Variants in RNLS observed in about 807,000 individuals in gnomAD.
The protein encoded by RNLS is renalase.
In RNLS, 39 loss-of-function variants were observed where a neutral mutation model predicts 39.8. That is an observed-to-expected ratio of 0.98 (90% confidence interval 0.76 to 1.28). RNLS has a LOEUF of 1.28. Among genes scored for constraint, RNLS ranks in the 50% most tolerant of loss-of-function variants. RNLS has a pLI of 0.00. For missense variants in RNLS, 410 were observed against 413.3 expected, an observed-to-expected ratio of 0.99 and a Z score of 0.07; for synonymous variants, 147 against 150.7, an observed-to-expected ratio of 0.98 and a Z score of 0.18.
the RNLS span, among the ~76,000 whole-genome samples, chr10:88,172,842 G>GCTTTTTTTTT: frequency 2.3e-5 from 1 of 43,778 alleles, no homozygotes; most frequent in Non-Finnish European, 3.7e-5. Flanking sequence ...ATTTTGAGTT[G>GCTTTTTTTTT]TTTTTTTTTT....
At chr10:88,362,012 C>A (rs1849680150) in intron 5 of RNLS, among the ~76,000 whole-genome samples, 1 of 150,864 alleles carries the variant, frequency 6.6e-6, no homozygotes, top group African/African-American at 2.4e-5. Context: ...TCTAGTGAAG[C>A]TCTCATAAAA....
chr10:88,312,133 A>G (rs529969199), intron 6 of RNLS, among the ~76,000 whole-genome samples: 1 of 152,348 alleles, frequency 6.6e-6, no homozygotes, highest in East Asian at 1.9e-4. Context: ...ATGGAAAGGA[A>G]GATTTTAGGT....
chr10:88,262,879 T>C, the RNLS span, among the ~76,000 whole-genome samples: 1 of 152,148 alleles, frequency 6.6e-6, no homozygotes, highest in Non-Finnish European at 1.5e-5. Flanking sequence ...GACATTATGA[T>C]TGTTATACTT....
the RNLS span, among the ~76,000 whole-genome samples, chr10:88,211,890 C>A: frequency 0.72 from 109,161 of 152,114 alleles, 39,555 homozygotes; most frequent in Non-Finnish European, 0.78. Flanking sequence ...TCAGAAGAGA[C>A]TGGAAATCCA....
In RNLS at chr10:88,292,591, A is replaced by AAAAC. The variant is rs1554851480; in HGVS notation, c.877-7086_877-7085insGTTT. On this transcript the variant is annotated intron_variant, in intron 6 of 6. Coordinates refer to ENST00000331772, the MANE Select transcript of RNLS (RefSeq NM_001031709.3). ...AACTCACATTAAAAAAAAAAAAAAA[A>AAAAC]CCTAGTTGCAAAAGACTGTAGATAA... is the stretch of plus-strand genomic sequence containing the variant. Among the ~76,000 whole-genome samples the AAAAC allele has an allele frequency of 9.6e-4, 143 of 149,212 alleles. 1 individual carries two copies. The highest frequency in any genetic ancestry group is 3.1e-3 in the African/African-American group (125 of 40,488).
intron 3 of RNLS, among the ~76,000 whole-genome samples, chr10:88,581,140 C>A (rs1446349920): frequency 6.6e-6 from 1 of 151,756 alleles, no homozygotes; most frequent in Non-Finnish European, 1.5e-5. Context: ...ACTAGACAAT[C>A]ATTAAAGAAA....
the RNLS span, among the ~76,000 whole-genome samples, chr10:88,262,829 A>G: frequency 0.023 from 3,559 of 152,150 alleles, 151 homozygotes; most frequent in African/African-American, 0.082. Context: ...AAAGTATGTG[A>G]CTCGCGGGAC....
Position 88,559,471 on chromosome 10 carries a change from C to T in RNLS, c.526+13432G>A, listed in dbSNP as rs539623207. 1.3e-3 allele frequency among the ~76,000 whole-genome samples: 194 copies of T among 152,232 alleles called. 1 individual carries two copies. The highest frequency in any genetic ancestry group is 4.5e-3 in the African/African-American group (186 of 41,544). On this transcript the variant is annotated intron_variant, in intron 4 of 6. Coordinates refer to ENST00000331772, the MANE Select transcript of RNLS (RefSeq NM_001031709.3). The stretch of plus-strand genomic sequence containing the variant: ...GGCTCACCATAATCTGCCCCAAATC[C>T]ATCTCTCTGGTTTTATCTTCTAAAA...
At chr10:88,548,923 G>A (rs1848476590) in intron 4 of RNLS, among the ~76,000 whole-genome samples, 1 of 152,062 alleles carries the variant, frequency 6.6e-6, no homozygotes, top group Admixed American at 6.6e-5. Flanking sequence ...TTAATAAGGA[G>A]AGTGGGCTGA....
chr10:88,309,521 T>C (rs1336510887), intron 6 of RNLS: 2 of 1,189,982 alleles, frequency 1.7e-6, no homozygotes, highest in Non-Finnish European at 2.2e-6. Context: ...ATTTCCCCTT[T>C]TCTCTCTTAC....
chr10:88,534,499 T>C (rs1847630517), intron 4 of RNLS, among the ~76,000 whole-genome samples: 1 of 152,170 alleles, frequency 6.6e-6, no homozygotes, highest in African/African-American at 2.4e-5. Flanking sequence ...TTAAAAGCAT[T>C]GGCTTGAGAG....
chr10:88,438,611 C>G (rs1049215778), intron 4 of RNLS, among the ~76,000 whole-genome samples: 1 of 152,186 alleles, frequency 6.6e-6, no homozygotes, highest in Non-Finnish European at 1.5e-5. Context: ...TCCTTTCTTT[C>G]CCTCTCTCTC....
At chr10:88,492,421 CTTTTTTTT>C (rs35806120) in intron 4 of RNLS, among the ~76,000 whole-genome samples, 4 of 131,976 alleles carry the variant, frequency 3.0e-5, no homozygotes, top group African/African-American at 8.8e-5. Context: ...TTTTCTTTTT[CTTTTTTTT>C]TTTTTTTGAG....
the RNLS span, among the ~76,000 whole-genome samples, chr10:88,209,199 T>C: frequency 6.6e-6 from 1 of 152,154 alleles, no homozygotes; most frequent in Non-Finnish European, 1.5e-5. Context: ...GGGACTGTTC[T>C]GGGTTGAATA....
intron 5 of RNLS, among the ~76,000 whole-genome samples, chr10:88,347,553 A>T (rs138704102): frequency 1.1e-3 from 162 of 152,250 alleles, no homozygotes; most frequent in Non-Finnish European, 1.8e-3. Context: ...TTCCTATCTA[A>T]GTTCATCCTA....
At chr10:88,288,885 A>G (rs780452352) in intron 6 of RNLS, among the ~76,000 whole-genome samples, 56 of 152,156 alleles carry the variant, frequency 3.7e-4, no homozygotes, top group Non-Finnish European at 7.1e-4. Context: ...GTAAAGTAAG[A>G]GCCCTGCAGT....
the RNLS span, among the ~76,000 whole-genome samples, chr10:88,197,476 G>A: frequency 6.6e-6 from 1 of 152,222 alleles, no homozygotes; most frequent in Middle Eastern, 3.4e-3. Flanking sequence ...TGTCATGGTA[G>A]GTGTCAAGCA....
intron 3 of RNLS, among the ~76,000 whole-genome samples, chr10:88,578,036 A>G (rs1393505743): frequency 2.6e-5 from 4 of 152,162 alleles, no homozygotes; most frequent in African/African-American, 9.7e-5. Flanking sequence ...ATTTTTGAAA[A>G]TAGTTGGCAA....
chr10:88,217,996 C>T, the RNLS span, among the ~76,000 whole-genome samples: 6 of 152,072 alleles, frequency 3.9e-5, no homozygotes, highest in East Asian at 1.9e-4. Flanking sequence ...GCCGAGATCA[C>T]GCCATTGCAC....
Sources: gnomAD v4.1 joint callset for allele counts (sites outside exome capture counted in the v4.1 genomes callset) on GRCh38, gnomAD v4.1.1 for gene constraint, MANE v1.5 for transcripts, NCBI Gene and HGNC (gene_info 2026-07-23, HGNC 2026-07-21) for gene names.